The following RPL34 variants were observed in gnomAD, a reference collection of about 807,000 sequenced individuals.
RPL34 encodes ribosomal protein L34.
In RPL34, 2 loss-of-function variants were observed where a neutral mutation model predicts 16.3. The observed-to-expected ratio is 0.12, with a 90% CI of 0.05 to 0.39. RPL34 has a LOEUF of 0.39. RPL34 is among the 10% of genes least tolerant of loss of function. RPL34 has a pLI of 0.99. For missense variants in RPL34, 82 were observed against 148.8 expected (o/e 0.55, Z 2.33); for synonymous variants, 47 against 48.5 (o/e 0.97, Z 0.13).
At chr4:108,629,739 T>TA (rs1726119461), downstream of RPL34, among the ~76,000 whole-genome samples, 1 of 152,232 alleles carries the variant, frequency 6.6e-6, no homozygotes, top group Non-Finnish European at 1.5e-5. Flanking sequence ...CTTTTACCCT[T>TA]AAAAATATAA....
chr4:108,625,466 C>T, downstream of RPL34: 1 of 313,480 alleles, frequency 3.2e-6, no homozygotes, highest in Non-Finnish European at 6.0e-6. Context: ...GCTCACCGCA[C>T]CCTCTGCCTT....
downstream of RPL34, among the ~76,000 whole-genome samples, chr4:108,627,639 A>G (rs1726059302): frequency 6.6e-6 from 1 of 152,102 alleles, no homozygotes. Flanking sequence ...AGGCAGGTGG[A>G]TCACCGGAGG....
At chr4:108,621,705 C>A in intron 1 of RPL34, 1 of 420,654 alleles carries the variant, frequency 2.4e-6, no homozygotes, top group Non-Finnish European at 4.4e-6. Flanking sequence ...GAGTAAGGAG[C>A]CTGGTCATCA....
chr4:108,621,019 A>G (rs1725743669), intron 1 of RPL34: 1 of 152,224 alleles, frequency 6.6e-6, no homozygotes, highest in South Asian at 2.1e-4. Flanking sequence ...TTCTGCGTCC[A>G]AGGCCCATGT....
At chr4:108,621,245 GT>G (rs1344316198) in intron 1 of RPL34, 1 of 152,268 alleles carries the variant, frequency 6.6e-6, no homozygotes, top group African/African-American at 2.4e-5. Context: ...TATTGATTAT[GT>G]TTTACGTTGG....
chr4:108,627,314 T>G (rs557078888), downstream of RPL34, among the ~76,000 whole-genome samples: 1 of 152,114 alleles, frequency 6.6e-6, no homozygotes, highest in East Asian at 1.9e-4. Flanking sequence ...CTTGGGATGC[T>G]GAGGCAGGAG....
chr4:108,621,798 C>G, intron 1 of RPL34, 153 bp from the exon 2 acceptor site: 1 of 602,716 alleles, frequency 1.7e-6, no homozygotes, highest in South Asian at 1.9e-5. Flanking sequence ...CCTTTAAATA[C>G]AAGTAGTTTT....
intron 4 of RPL34, 58 bp downstream of exon 4, chr4:108,622,676 C>T: frequency 9.2e-7 from 1 of 1,082,802 alleles, no homozygotes; most frequent in Non-Finnish European, 1.4e-6. Flanking sequence ...GTTATACTGT[C>T]TGCTGATCAG....
chr4:108,622,293 T>C, intron 3 of RPL34, 89 bp downstream of exon 3: 1 of 1,022,564 alleles, frequency 9.8e-7, no homozygotes, highest in Non-Finnish European at 1.5e-6. Flanking sequence ...CAAGGAGAGG[T>C]TACCACTAAG....
rs914552514 is a variant in RPL34, at chr4:108,625,279, TTGTAA to T, written c.*71_*75del. On this transcript the variant is annotated 3_prime_UTR_variant, in exon 5 of 5. Transcript: ENST00000394667. ...GTATGTATGACTTTTTTTTTTTCTG[TTGTAA>T]TGTGTTAGTATACAGATTTTGTTTC... 2 of 877,922 alleles carry T rather than the reference TTGTAA, an allele frequency of 2.3e-6. No homozygotes were observed. Among genetic ancestry groups the T allele is most frequent in the Non-Finnish European group, 3.7e-6 (2 of 546,274 alleles). The allele number at this position is 877,922 out of a possible 1,614,324, so 54.4% of individuals were successfully genotyped here.
chr4:108,626,619 A>G (rs1214432699), downstream of RPL34, among the ~76,000 whole-genome samples: 1 of 151,938 alleles, frequency 6.6e-6, no homozygotes, highest in Admixed American at 6.6e-5. Context: ...TTGTATTTTT[A>G]GTAGAGATGG....
downstream of RPL34, among the ~76,000 whole-genome samples, chr4:108,626,445 A>G (rs1340074167): frequency 8.2e-6 from 1 of 122,116 alleles, no homozygotes; most frequent in South Asian, 2.8e-4. Flanking sequence ...TTGGCTGACA[A>G]CCTTTTTTTT....
chr4:108,626,450 T>TC (rs1354198937), downstream of RPL34, among the ~76,000 whole-genome samples: 3 of 146,840 alleles, frequency 2.0e-5, no homozygotes, highest in Admixed American at 6.8e-5. Context: ...TGACAACCTT[T>TC]TTTTTTTTTT....
At chr4:108,622,296 C>T (rs1466551117) in intron 3 of RPL34, 92 bp downstream of exon 3, 1 of 991,034 alleles carries the variant, frequency 1.0e-6, no homozygotes, top group African/African-American at 1.6e-5. Flanking sequence ...GGAGAGGTTA[C>T]CACTAAGAGG....
chr4:108,624,439 GATTT>G (rs1474847771), intron 4 of RPL34, among the ~76,000 whole-genome samples: 1 of 152,180 alleles, frequency 6.6e-6, no homozygotes, highest in African/African-American at 2.4e-5. Context: ...TGGTAACTCT[GATTT>G]AACAAATGCT....
chr4:108,622,247 C>T (rs1205277551), intron 3 of RPL34, 43 bp downstream of exon 3: 1 of 1,342,124 alleles, frequency 7.5e-7, no homozygotes, highest in Non-Finnish European at 1.1e-6. Context: ...AAGTCTTGAA[C>T]TTACTGAGCT....
intron 4 of RPL34, 24 bp downstream of exon 4, chr4:108,622,642 T>C (rs1290985875): frequency 1.4e-6 from 2 of 1,429,920 alleles, no homozygotes; most frequent in Admixed American, 4.0e-5. Flanking sequence ...TTAAATGGGC[T>C]TTCCTTAGCA....
downstream of RPL34, among the ~76,000 whole-genome samples, chr4:108,626,274 C>T (rs545182756): frequency 6.6e-6 from 1 of 151,772 alleles, no homozygotes; most frequent in Non-Finnish European, 1.5e-5. Flanking sequence ...GCTGGGACTA[C>T]AGGTAGGCAC....
chr4:108,627,635 G>A (rs1454657958), downstream of RPL34, among the ~76,000 whole-genome samples: 1 of 152,106 alleles, frequency 6.6e-6, no homozygotes, highest in Non-Finnish European at 1.5e-5. Context: ...GCTGAGGCAG[G>A]TGGATCACCG....
Sources: allele counts gnomAD v4.1 joint callset (sites outside exome capture counted in the v4.1 genomes callset), GRCh38; gene constraint gnomAD v4.1.1; transcripts MANE v1.5; gene names NCBI Gene and HGNC (gene_info 2026-07-23, HGNC 2026-07-21).